Variants in PGR observed in about 807,000 individuals in gnomAD.
The protein encoded by PGR is progesterone receptor, also known as nuclear receptor subfamily 3 group C member 3.
Under a neutral mutation model 76.1 loss-of-function variants are expected in PGR, and 25 were observed. The ratio of observed to expected loss-of-function variants is 0.33; its 90% CI spans 0.24 to 0.46. The LOEUF (loss-of-function observed/expected upper bound fraction) is 0.46. Ranked by LOEUF, PGR falls within the 20% of genes least tolerant of loss-of-function variation. The pLI, the probability that PGR is intolerant of heterozygous loss-of-function variation, is 1.00. For synonymous variants in PGR, 579 were observed against 535.0 expected (o/e 1.08, Z -1.14); for missense variants, 1,172 against 1,225.3 (o/e 0.96, Z 0.65).
At chr11:101,079,809 A>C (rs1861240431) in intron 3 of PGR, among the ~76,000 whole-genome samples, 1 of 152,228 alleles carries the variant, frequency 6.6e-6, no homozygotes, top group Non-Finnish European at 1.5e-5. Context: ...ATCTGCATTC[A>C]CATGTTTCCT....
chr11:101,058,309 C>T (rs1335319069), intron 4 of PGR, among the ~76,000 whole-genome samples: 1 of 152,074 alleles, frequency 6.6e-6, no homozygotes, highest in Non-Finnish European at 1.5e-5. Flanking sequence ...TTATTAAGGC[C>T]TTTACTCTCA....
intron 2 of PGR, among the ~76,000 whole-genome samples, chr11:101,096,386 A>G (rs902831902): frequency 2.0e-5 from 3 of 152,198 alleles, no homozygotes; most frequent in African/African-American, 7.2e-5. Context: ...AAATATGGGG[A>G]GTACAGTTAA....
In PGR at chr11:101,127,569, G is replaced by A. The variant is rs900902396; in HGVS notation, c.1502C>T (p.Ser501Phe). ...PRDGLPSTSASAAAAGAAPAL... is the reference protein window; with the variant it reads ...PRDGLPSTSAFAAAAGAAPAL... ...GGGGGCCGCCCCGGCGGCGGCGGCA[G>A]AGGCGGAGGTGGAGGGCAGGCCGTC... is the stretch of plus-strand genomic sequence containing the variant. The change falls in exon 1 of 8, where the codon TCT becomes TTT. Residue 501 changes from serine (S) to phenylalanine (F), a missense_variant. Ser to Phe is a radical substitution (Grantham distance 155). Transcript: ENST00000325455. 3.6e-6 allele frequency: 5 copies of A among 1,373,162 alleles called. No homozygotes were observed. The highest frequency in any genetic ancestry group is 3.8e-6 in the Non-Finnish European group (4 of 1,062,878). 85.1% of individuals were successfully genotyped at this position (1,373,162 alleles called of 1,614,324 possible).
intron 2 of PGR, among the ~76,000 whole-genome samples, chr11:101,105,508 T>C (rs1411713935): frequency 1.3e-5 from 2 of 150,756 alleles, no homozygotes; most frequent in African/African-American, 2.5e-5. Context: ...TTTTTTTTTT[T>C]TTTTTAGAAA....
chr11:101,065,629 C>T (rs775118443), intron 3 of PGR, among the ~76,000 whole-genome samples: 12 of 152,080 alleles, frequency 7.9e-5, no homozygotes, highest in South Asian at 2.1e-4. Flanking sequence ...TGAAAAATAA[C>T]GACACCTGGT....
chr11:101,100,659 T>C (rs1565358661), intron 2 of PGR, among the ~76,000 whole-genome samples: 1 of 151,042 alleles, frequency 6.6e-6, no homozygotes, highest in African/African-American at 2.4e-5. Flanking sequence ...AAACAACTAG[T>C]AATTATTTTG....
At chr11:101,090,845 T>C (rs564500330) in intron 3 of PGR, among the ~76,000 whole-genome samples, 1 of 152,300 alleles carries the variant, frequency 6.6e-6, no homozygotes, top group African/African-American at 2.4e-5. Context: ...CAAAAACAAA[T>C]GAGGTGACAG....
intron 4 of PGR, among the ~76,000 whole-genome samples, chr11:101,054,765 A>T (rs912835084): frequency 2.1e-4 from 32 of 152,214 alleles, no homozygotes; most frequent in African/African-American, 7.5e-4. Flanking sequence ...TCACAATGAT[A>T]ACTAACTCAG....
Position 101,035,110 on chromosome 11 carries a change from T to C in PGR, c.*4006A>G, listed in dbSNP as rs745746644. On this transcript the variant is annotated 3_prime_UTR_variant, in exon 8 of 8. Transcript: ENST00000325455. ...AGAAATTTCCCACATCCAATGGCTA[T>C]TGAACAGGCATACTTTGGGAAAAAC... The C allele has an allele frequency of 1.9e-5, 4 of 209,486 alleles. No homozygotes were observed. The highest frequency in any genetic ancestry group is 1.9e-4 in the South Asian group (1 of 5,346). The allele number at this position is 209,486 out of a possible 1,614,324, so 13.0% of individuals were successfully genotyped here.
intron 2 of PGR, among the ~76,000 whole-genome samples, chr11:101,117,487 C>T (rs1372287286): frequency 6.6e-6 from 1 of 152,032 alleles, no homozygotes; most frequent in East Asian, 1.9e-4. Flanking sequence ...TTTGAGATTA[C>T]ATAGCAAATG....
chr11:101,081,753 A>T (rs898973326), intron 3 of PGR, among the ~76,000 whole-genome samples: 1 of 152,188 alleles, frequency 6.6e-6, no homozygotes, highest in African/African-American at 2.4e-5. Context: ...AGATCCTTAC[A>T]TGGGAGTTCT....
chr11:101,117,296 G>A (rs1188080009), intron 2 of PGR, among the ~76,000 whole-genome samples: 9 of 151,756 alleles, frequency 5.9e-5, no homozygotes, highest in Non-Finnish European at 5.9e-5. Context: ...TACTTCTGTG[G>A]GCTGTACTTT....
chr11:101,104,785 C>T (rs1862100070), intron 2 of PGR, among the ~76,000 whole-genome samples: 1 of 151,958 alleles, frequency 6.6e-6, no homozygotes, highest in African/African-American at 2.4e-5. Flanking sequence ...CCAAATTTTT[C>T]TTTTCTTTTT....
intron 1 of PGR, 61 bp downstream of exon 1, chr11:101,127,373 C>G (rs952605289): frequency 5.3e-6 from 7 of 1,318,206 alleles, no homozygotes; most frequent in African/African-American, 4.7e-5. Context: ...TTGGCGGCCG[C>G]CGCCGCCAAC....
At position 101,128,116 on chromosome 11, in the gene PGR, G is replaced by T. The variant is rs1372729325; in HGVS notation, c.955C>A (p.Arg319Ser). 3 of 1,598,626 alleles carry T rather than the reference G, an allele frequency of 1.9e-6. No homozygotes were observed. Among genetic ancestry groups the T allele is most frequent in the South Asian group, 2.2e-5 (2 of 91,082 alleles). Reference sequence around the variant, plus strand: ...TCGTCTTCCAGCAGCTGCCGAGTGCGGGCTGCCAATAAGGCGTGATTGAGA... The same window carrying T: ...TCGTCTTCCAGCAGCTGCCGAGTGCTGGCTGCCAATAAGGCGTGATTGAGA... Reference protein sequence around the residue: ...LPLNHALLAARTRQLLEDESY... With the variant: ...LPLNHALLAASTRQLLEDESY... Residue 319 changes from arginine to serine, a missense_variant, in exon 1 of 8, where the codon CGC (arginine) becomes AGC (serine). Physicochemically the swap from Arg to Ser is moderately radical, Grantham distance 110. Transcript: ENST00000325455.
intron 6 of PGR, among the ~76,000 whole-genome samples, chr11:101,048,982 G>C (rs1225251356): frequency 1.3e-5 from 2 of 152,066 alleles, no homozygotes; most frequent in Non-Finnish European, 2.9e-5. Context: ...CTGGGCTCAA[G>C]TGATCCTCTC....
intron 6 of PGR, among the ~76,000 whole-genome samples, chr11:101,043,728 C>G (rs1348060875): frequency 1.3e-5 from 2 of 152,168 alleles, no homozygotes; most frequent in African/African-American, 4.8e-5. Flanking sequence ...AAACATTAAT[C>G]TCCTTGTATA....
intron 3 of PGR, among the ~76,000 whole-genome samples, chr11:101,072,123 G>T (rs1860958520): frequency 6.6e-6 from 1 of 152,178 alleles, no homozygotes; most frequent in Non-Finnish European, 1.5e-5. Flanking sequence ...ACTAACAGCA[G>T]ATCTCTCTGC....
rs1859329481 is a variant in PGR at position 101,030,889 on chromosome 11, G to A, written c.*8227C>T. 2 of 191,844 alleles carry A rather than the reference G, an allele frequency of 1.0e-5. No individual in the cohort carries two copies. The highest frequency in any genetic ancestry group is 1.2e-4 in the Admixed American group (2 of 16,272). The allele number at this position is 191,844 out of a possible 1,614,324, so 11.9% of individuals were successfully genotyped here. A position where few individuals can be genotyped will look rare whatever the true frequency, so the allele number is the denominator to read the frequency against. On this transcript the variant is annotated 3_prime_UTR_variant, in exon 8 of 8. Coordinates refer to ENST00000325455, the MANE Select transcript of PGR (RefSeq NM_000926.4). ...AGAGGCTTTCATGATTCAGAAGAAG[G>A]AAGATGTAGGGCAAAGAGGACAAAT...
Sources: gnomAD v4.1 joint callset for allele counts (sites outside exome capture counted in the v4.1 genomes callset) on GRCh38, gnomAD v4.1.1 for gene constraint, MANE v1.5 for transcripts, NCBI Gene and HGNC (gene_info 2026-07-23, HGNC 2026-07-21) for gene names.